The following SATB2 variants were observed in gnomAD, a reference collection of about 807,000 sequenced individuals.
SATB2 encodes the protein DNA-binding protein SATB2.
SATB2 carries 1 observed loss-of-function variant against 73.4 expected under a neutral mutation model. That is an observed-to-expected ratio of 0.01 (90% CI 0.00 to 0.06). The LOEUF is 0.06. SATB2 is among the 10% of genes least tolerant of loss of function. The pLI is 1.00. For synonymous variants in SATB2, 397 were observed against 367.0 expected, an observed-to-expected ratio of 1.08 and a Z score of -0.93; for missense variants, 459 against 945.8, an observed-to-expected ratio of 0.49 and a Z score of 6.75.
intron 10 of SATB2, among the ~76,000 whole-genome samples, chr2:199,305,848 T>C (rs1687417670): frequency 6.6e-6 from 1 of 152,144 alleles, no homozygotes; most frequent in African/African-American, 2.4e-5. Flanking sequence ...CCTAAAGAAA[T>C]TTAAATGGCA....
At chr2:199,329,160 T>G in intron 7 of SATB2, 1 of 505,264 alleles carries the variant, frequency 2.0e-6, no homozygotes, top group Non-Finnish European at 3.6e-6. Flanking sequence ...TGTACAGACA[T>G]GCCAGCTAGC....
At chr2:199,433,081 A>G (rs951288099) in intron 3 of SATB2, among the ~76,000 whole-genome samples, 1 of 152,228 alleles carries the variant, frequency 6.6e-6, no homozygotes, top group African/African-American at 2.4e-5. Context: ...TAGAGAAAAT[A>G]ACAGTGTTAT....
At chr2:199,307,368 T>C (rs1282323356) in intron 10 of SATB2, among the ~76,000 whole-genome samples, 2 of 152,198 alleles carry the variant, frequency 1.3e-5, no homozygotes, top group Non-Finnish European at 2.9e-5. Context: ...TGAAAGCCAC[T>C]GCTCTGTGTG....
In SATB2 at chr2:199,417,358, C is replaced by A. The variant is rs141580785; in HGVS notation, c.346+15980G>T. Among the ~76,000 whole-genome samples, 228 of 152,268 alleles carry A rather than the reference C, an allele frequency of 1.5e-3. 3 individuals are homozygous for A. The East Asian group carries it at 0.04, about 27-fold the overall frequency. On this transcript the variant is annotated intron_variant, in intron 3 of 10. Coordinates refer to ENST00000417098, the MANE Select transcript of SATB2 (RefSeq NM_001172509.2). ...CTGACAACGCATCCCCAGAGGAAATCATTTACATCCCTTCTGCTCCACATA... is the reference window on the plus strand; with the variant it reads ...CTGACAACGCATCCCCAGAGGAAATAATTTACATCCCTTCTGCTCCACATA...
intron 10 of SATB2, among the ~76,000 whole-genome samples, chr2:199,284,533 G>A (rs116020378): frequency 1.0e-3 from 159 of 152,128 alleles, no homozygotes; most frequent in Non-Finnish European, 1.8e-3. Context: ...CCTCACCAGC[G>A]TCAACCAAAA....
chr2:199,471,135 G>A (rs556216811), exon 1 of SATB2: 19 of 152,532 alleles, frequency 1.2e-4, no homozygotes, highest in African/African-American at 4.6e-4. Context: ...GGCATCCGGA[G>A]CTGGGGAGGG....
At chr2:199,313,020 C>T (rs1687637816) in intron 9 of SATB2, among the ~76,000 whole-genome samples, 1 of 152,136 alleles carries the variant, frequency 6.6e-6, no homozygotes, top group South Asian at 2.1e-4. Flanking sequence ...GGCTACGATC[C>T]TGTCCCAGAA....
intron 10 of SATB2, among the ~76,000 whole-genome samples, chr2:199,275,085 T>C (rs1442950698): frequency 1.3e-5 from 2 of 152,180 alleles, no homozygotes; most frequent in Non-Finnish European, 2.9e-5. Context: ...AGAATTAAAA[T>C]GCCCCATTTT....
chr2:199,440,116 A>G (rs1691771329), intron 2 of SATB2, among the ~76,000 whole-genome samples: 1 of 152,170 alleles, frequency 6.6e-6, no homozygotes, highest in African/African-American at 2.4e-5. Flanking sequence ...AAATAATAAT[A>G]ATAATAATGA....
chr2:199,341,925 A>C (rs1230654425), intron 7 of SATB2, among the ~76,000 whole-genome samples: 7 of 152,170 alleles, frequency 4.6e-5, no homozygotes, highest in Non-Finnish European at 1.0e-4. Flanking sequence ...AAATGCAAGC[A>C]AAGTCCCAGC....
At chr2:199,456,593 A>G (rs1327846405) in intron 1 of SATB2, among the ~76,000 whole-genome samples, 1 of 152,236 alleles carries the variant, frequency 6.6e-6, no homozygotes, top group African/African-American at 2.4e-5. Flanking sequence ...GCCGGGCGAA[A>G]GAACCCCTTG....
intron 9 of SATB2, among the ~76,000 whole-genome samples, chr2:199,318,491 T>C (rs1220720788): frequency 6.6e-6 from 1 of 152,116 alleles, no homozygotes; most frequent in Non-Finnish European, 1.5e-5. Flanking sequence ...CTCATAATTA[T>C]GTGTTACACA....
chr2:199,309,442 C>A (rs757916212), intron 9 of SATB2, among the ~76,000 whole-genome samples: 1 of 152,170 alleles, frequency 6.6e-6, no homozygotes, highest in Non-Finnish European at 1.5e-5. Flanking sequence ...TCAATAACTC[C>A]ACAAAATAGA....
intron 2 of SATB2, among the ~76,000 whole-genome samples, chr2:199,442,049 A>T (rs1322004494): frequency 2.6e-5 from 4 of 152,134 alleles, no homozygotes; most frequent in African/African-American, 9.7e-5. Flanking sequence ...TTCCTCCTCA[A>T]ACATGGGCTG....
chr2:199,469,611 C>T (rs1362408529), upstream of SATB2: 1 of 152,358 alleles, frequency 6.6e-6, no homozygotes, highest in Non-Finnish European at 1.5e-5. Context: ...TCTTAGGAAC[C>T]TGATCCTGGC....
In SATB2 at chr2:199,319,174, T is replaced by C. The variant is rs556437412; in HGVS notation, c.1542+4629A>G. ...TTGTGTATTACAAGCCAGAAATCCA[T>C]CTCTTTTAGCTACAATGGGATCACA... On this transcript the variant is annotated intron_variant, in intron 9 of 10. Transcript: ENST00000417098. 1.1e-4 allele frequency among the ~76,000 whole-genome samples: 16 copies of C among 152,244 alleles called. No individual in the cohort carries two copies. In the South Asian group the frequency reaches 3.1e-3, roughly 30 times the overall value.
At chr2:199,351,489 T>C (rs909182039) in intron 6 of SATB2, among the ~76,000 whole-genome samples, 1 of 152,184 alleles carries the variant, frequency 6.6e-6, no homozygotes, top group East Asian at 1.9e-4. Context: ...CTTTCCTTCA[T>C]AAGGTTAAGA....
At chr2:199,396,575 C>G (rs1000013942) in intron 3 of SATB2, 1 of 152,086 alleles carries the variant, frequency 6.6e-6, no homozygotes, top group African/African-American at 2.4e-5. Flanking sequence ...CTCTAAAAAC[C>G]ACGATGTCCT....
intron 10 of SATB2, among the ~76,000 whole-genome samples, chr2:199,301,815 T>C (rs1443045427): frequency 6.6e-6 from 1 of 152,062 alleles, no homozygotes; most frequent in Non-Finnish European, 1.5e-5. Flanking sequence ...ACACAGAAGA[T>C]GGTAAATCAG....
Sources: gnomAD v4.1 joint callset for allele counts (sites outside exome capture counted in the v4.1 genomes callset) on GRCh38, gnomAD v4.1.1 for gene constraint, MANE v1.5 for transcripts, NCBI Gene and HGNC (gene_info 2026-07-23, HGNC 2026-07-21) for gene names.